The following TASP1 variants were observed in gnomAD, a reference collection of about 807,000 sequenced individuals.
TASP1 encodes taspase 1, also known as threonine aspartase 1.
TASP1 carries 16 observed loss-of-function variants against 56.6 expected under a neutral mutation model. The observed-to-expected ratio is 0.28, with a 90% CI of 0.19 to 0.43. TASP1 has a LOEUF of 0.43. Ranked by LOEUF, TASP1 falls within the 20% of genes least tolerant of loss-of-function variation. The pLI is 1.00. For synonymous variants in TASP1, 179 were observed against 184.2 expected (o/e 0.97, Z 0.23); for missense variants, 393 against 511.6 (o/e 0.77, Z 2.24).
At chr20:13,581,808 C>T (rs1180348615) in intron 5 of TASP1, among the ~76,000 whole-genome samples, 1 of 152,186 alleles carries the variant, frequency 6.6e-6, no homozygotes, top group African/African-American at 2.4e-5. Context: ...GATGAGTTAG[C>T]TGATCCTTCA....
chr20:13,342,346 C>T, the TASP1 span, among the ~76,000 whole-genome samples: 2 of 152,166 alleles, frequency 1.3e-5, no homozygotes, highest in Non-Finnish European at 2.9e-5. Context: ...TGGAGGAGAA[C>T]GACTCAGTTC....
the TASP1 span, among the ~76,000 whole-genome samples, chr20:13,253,970 C>T: frequency 4.0e-5 from 6 of 151,176 alleles, no homozygotes; most frequent in Non-Finnish European, 4.4e-5. Flanking sequence ...ATAATCCCAG[C>T]ACCTTGGGAG....
At chr20:13,474,370 G>A (rs2044640527) in intron 11 of TASP1, among the ~76,000 whole-genome samples, 1 of 152,152 alleles carries the variant, frequency 6.6e-6, no homozygotes, top group African/African-American at 2.4e-5. Flanking sequence ...CCACTTATAA[G>A]TGAGAACATA....
chr20:13,131,002 G>A, the TASP1 span, among the ~76,000 whole-genome samples: 85 of 152,300 alleles, frequency 5.6e-4, no homozygotes, highest in African/African-American at 1.9e-3. Context: ...TTGTGGCAGC[G>A]GAAGGGATCA....
At chr20:13,123,417 A>G in the TASP1 span, among the ~76,000 whole-genome samples, 2 of 151,916 alleles carry the variant, frequency 1.3e-5, no homozygotes, top group East Asian at 1.9e-4. Flanking sequence ...ATATGTATTC[A>G]CCCATTTCAT....
chr20:13,466,264 T>C (rs2044255936), intron 11 of TASP1, among the ~76,000 whole-genome samples: 1 of 151,806 alleles, frequency 6.6e-6, no homozygotes, highest in East Asian at 1.9e-4. Context: ...GGAAGAAAAA[T>C]AAGCTAATAA....
At chr20:13,506,288 G>T (rs1289434889) in intron 10 of TASP1, among the ~76,000 whole-genome samples, 1 of 152,088 alleles carries the variant, frequency 6.6e-6, no homozygotes. Context: ...CCAGAACCTG[G>T]TAGCTTTGCT....
chr20:13,226,616 A>G, the TASP1 span, among the ~76,000 whole-genome samples: 3 of 152,158 alleles, frequency 2.0e-5, no homozygotes, highest in Non-Finnish European at 2.9e-5. Context: ...TGTTGGCTTC[A>G]TGTGGGCTAG....
the TASP1 span, among the ~76,000 whole-genome samples, chr20:13,290,474 G>A: frequency 6.6e-6 from 1 of 152,030 alleles, no homozygotes; most frequent in African/African-American, 2.4e-5. Context: ...ACGGTGAAAT[G>A]CCGTCTCTAC....
intron 11 of TASP1, among the ~76,000 whole-genome samples, chr20:13,456,351 C>G (rs528760749): frequency 1.4e-4 from 22 of 152,236 alleles, no homozygotes; most frequent in African/African-American, 5.1e-4. Flanking sequence ...CAACAACATC[C>G]TGCTCACTCC....
intron 6 of TASP1, among the ~76,000 whole-genome samples, chr20:13,578,942 T>C (rs533471085): frequency 6.6e-6 from 1 of 152,206 alleles, no homozygotes; most frequent in South Asian, 2.1e-4. Context: ...TGTTCCTCCA[T>C]ATAAATTTGA....
intron 11 of TASP1, among the ~76,000 whole-genome samples, chr20:13,453,727 T>C (rs945701413): frequency 3.3e-5 from 5 of 152,074 alleles, no homozygotes; most frequent in African/African-American, 1.2e-4. Flanking sequence ...ATTACATCAG[T>C]AAACAAGATA....
Position 13,417,457 on chromosome 20 carries a change from C to T in TASP1, c.1161G>A (p.Gly387=). Residue 387 remains glycine (G), a synonymous_variant, in exon 13 of 14, where the codon GGG becomes GGA. Transcript: ENST00000337743. ...MCVGYMSAQD[G]KAKTHISRLP... ...GTTTTTTCCCACTTACCTTGGCTTTCCCATCCTGGGCTGACATATATCCGA... is the reference window on the plus strand; with the variant it reads ...GTTTTTTCCCACTTACCTTGGCTTTTCCATCCTGGGCTGACATATATCCGA... The T allele has an allele frequency of 6.2e-7, 1 of 1,614,100 alleles. No homozygotes were observed.
At chr20:13,529,913 C>A (rs908495149) in intron 9 of TASP1, among the ~76,000 whole-genome samples, 6 of 152,158 alleles carry the variant, frequency 3.9e-5, no homozygotes, top group African/African-American at 1.4e-4. Flanking sequence ...AACCTCACTG[C>A]CTCATGTGGG....
chr20:13,425,872 C>G (rs1444680620), intron 12 of TASP1, among the ~76,000 whole-genome samples: 2 of 152,080 alleles, frequency 1.3e-5, no homozygotes, highest in African/African-American at 4.8e-5. Context: ...CCTTAAGACT[C>G]ATATAATGCA....
chr20:13,258,181 T>G, the TASP1 span, among the ~76,000 whole-genome samples: 1 of 152,154 alleles, frequency 6.6e-6, no homozygotes, highest in Admixed American at 6.5e-5. Flanking sequence ...CCTATTTATT[T>G]CTTGGGCACA....
chr20:13,267,820 CTAAT>C, the TASP1 span, among the ~76,000 whole-genome samples: 1 of 152,108 alleles, frequency 6.6e-6, no homozygotes, highest in African/African-American at 2.4e-5. Context: ...CATTTTTAAC[CTAAT>C]TAAACAGTAT....
At chr20:13,371,635 C>T in the TASP1 span, among the ~76,000 whole-genome samples, 4 of 152,102 alleles carry the variant, frequency 2.6e-5, no homozygotes, top group African/African-American at 9.7e-5. Flanking sequence ...TTATTGGGTA[C>T]AGTGTTCTAT....
At chr20:13,122,628 C>T in the TASP1 span, among the ~76,000 whole-genome samples, 1 of 152,168 alleles carries the variant, frequency 6.6e-6, no homozygotes, top group African/African-American at 2.4e-5. Flanking sequence ...ACAGTACCTA[C>T]CTTAAAGAGT....
Sources: gnomAD v4.1 joint callset for allele counts (sites outside exome capture counted in the v4.1 genomes callset) on GRCh38, gnomAD v4.1.1 for gene constraint, MANE v1.5 for transcripts, NCBI Gene and HGNC (gene_info 2026-07-23, HGNC 2026-07-21) for gene names.